Variants in SUPT3H observed in about 807,000 individuals in gnomAD.
SUPT3H encodes SPT3 homolog, SAGA and STAGA complex component.
SUPT3H carries 44 observed loss-of-function variants against 44.3 expected under a neutral mutation model. The ratio of observed to expected loss-of-function variants is 0.99; its 90% CI spans 0.78 to 1.28. The LOEUF (loss-of-function observed/expected upper bound fraction) is 1.28, where lower values mean the gene tolerates loss of function less well. Among genes scored for constraint, SUPT3H ranks in the 50% most tolerant of loss-of-function variants. SUPT3H has a pLI of 0.00. For missense variants in SUPT3H, 380 were observed against 387.1 expected, an observed-to-expected ratio of 0.98 and a Z score of 0.15; for synonymous variants, 124 against 125.6, an observed-to-expected ratio of 0.99 and a Z score of 0.09.
chr6:45,059,591 A>C (rs1791658822), intron 3 of SUPT3H, among the ~76,000 whole-genome samples: 1 of 152,142 alleles, frequency 6.6e-6, no homozygotes, highest in African/African-American at 2.4e-5. Context: ...GGTCAGGGCA[A>C]TCAGGCAAGA....
intron 3 of SUPT3H, among the ~76,000 whole-genome samples, chr6:45,072,561 A>G: frequency 6.6e-6 from 1 of 152,260 alleles, no homozygotes. Flanking sequence ...TTTTTATTTT[A>G]TTCTCATTTT....
At chr6:44,891,854 A>G (rs1011279334) in intron 10 of SUPT3H, among the ~76,000 whole-genome samples, 1 of 152,024 alleles carries the variant, frequency 6.6e-6, no homozygotes, top group African/African-American at 2.4e-5. Context: ...AAAAAAAAAG[A>G]CAAATAAAAT....
chr6:44,936,238 A>T (rs1181555651), intron 9 of SUPT3H, among the ~76,000 whole-genome samples: 1 of 152,226 alleles, frequency 6.6e-6, no homozygotes, highest in Non-Finnish European at 1.5e-5. Context: ...TGGGCCATTC[A>T]TTGGCCAAAG....
intron 10 of SUPT3H, among the ~76,000 whole-genome samples, chr6:44,870,742 T>G (rs9296448): frequency 0.42 from 63,372 of 150,412 alleles, 13,728 homozygotes; most frequent in East Asian, 0.7. Flanking sequence ...GGTACCGGGT[T>G]CATCTCACTA....
intron 3 of SUPT3H, among the ~76,000 whole-genome samples, chr6:45,104,250 G>T (rs1193497736): frequency 1.3e-5 from 2 of 152,000 alleles, no homozygotes; most frequent in Non-Finnish European, 2.9e-5. Context: ...TTATAATGTT[G>T]TCATATAAAA....
intron 2 of SUPT3H, among the ~76,000 whole-genome samples, chr6:45,327,565 G>A (rs1468260047): frequency 6.6e-6 from 1 of 151,770 alleles, no homozygotes; most frequent in Non-Finnish European, 1.5e-5. Context: ...TGGTATACAT[G>A]AAACATTACA....
At chr6:44,878,693 CG>C (rs1777703099) in intron 10 of SUPT3H, among the ~76,000 whole-genome samples, 1 of 152,004 alleles carries the variant, frequency 6.6e-6, no homozygotes, top group African/African-American at 2.4e-5. Flanking sequence ...ATGAAGAAGG[CG>C]GGTGATTTCT....
chr6:45,367,911 TTAAAA>T (rs1389950055), intron 1 of SUPT3H, among the ~76,000 whole-genome samples: 5 of 152,222 alleles, frequency 3.3e-5, no homozygotes, highest in Admixed American at 6.5e-5. Flanking sequence ...ATTAGACTCT[TTAAAA>T]TAATTATTTC....
chr6:45,124,582 T>C (rs1368798927), intron 2 of SUPT3H, among the ~76,000 whole-genome samples: 2 of 151,108 alleles, frequency 1.3e-5, no homozygotes, highest in Non-Finnish European at 2.9e-5. Flanking sequence ...GACGCGGAGG[T>C]TGCAGCAAGC....
intron 1 of SUPT3H, among the ~76,000 whole-genome samples, chr6:45,369,964 G>T (rs1563040967): frequency 6.6e-6 from 1 of 152,278 alleles, no homozygotes; most frequent in South Asian, 2.1e-4. Context: ...TATGAACACA[G>T]GGGTAGCAAG....
chr6:44,943,113 T>C (rs1162953829), intron 9 of SUPT3H, among the ~76,000 whole-genome samples: 3 of 151,846 alleles, frequency 2.0e-5, no homozygotes, highest in Non-Finnish European at 4.4e-5. Flanking sequence ...ATTCTAACCA[T>C]GCTCCAAAGC....
intron 4 of SUPT3H, among the ~76,000 whole-genome samples, chr6:45,018,813 T>C (rs1784691370): frequency 6.6e-6 from 1 of 151,966 alleles, no homozygotes; most frequent in South Asian, 2.1e-4. Context: ...ATTCTCTTTT[T>C]TGGTTGTGTC....
At chr6:45,193,119 A>G (rs1490551080) in intron 2 of SUPT3H, among the ~76,000 whole-genome samples, 1 of 152,130 alleles carries the variant, frequency 6.6e-6, no homozygotes, top group Non-Finnish European at 1.5e-5. Flanking sequence ...CATGACCACC[A>G]CGCTTTAAGA....
intron 9 of SUPT3H, among the ~76,000 whole-genome samples, chr6:44,935,729 C>A (rs573039036): frequency 7.2e-4 from 109 of 152,326 alleles, no homozygotes; most frequent in Non-Finnish European, 1.3e-3. Flanking sequence ...TGGAGTTCTA[C>A]ATATTTTCCG....
At position 45,112,344 on chromosome 6, in the gene SUPT3H, A is replaced by C. The variant is rs73737892; in HGVS notation, c.102-6338T>G. Among the ~76,000 whole-genome samples, 917 of 152,110 alleles carry C rather than the reference A, an allele frequency of 6.0e-3. 14 individuals are homozygous for C. Among genetic ancestry groups the C allele is most frequent in the African/African-American group, 0.021 (875 of 41,500 alleles). ...ATTAGAGGAAGGAAAAGAAAGCTAT[A>C]GTTTATCCCTGGCCTTATATGTGGA... On this transcript the variant is annotated intron_variant, in intron 2 of 10. Transcript: ENST00000371459.
chr6:44,878,317 C>A (rs1024658307), intron 10 of SUPT3H, among the ~76,000 whole-genome samples: 3 of 152,156 alleles, frequency 2.0e-5, no homozygotes, highest in Non-Finnish European at 4.4e-5. Flanking sequence ...TGAGAAGATA[C>A]ATGTATTTGT....
chr6:44,989,550 T>C (rs1780313238), intron 6 of SUPT3H, among the ~76,000 whole-genome samples: 1 of 152,128 alleles, frequency 6.6e-6, no homozygotes, highest in South Asian at 2.1e-4. Context: ...CATCTGATAG[T>C]CTACTTTTAA....
At chr6:44,909,939 T>C (rs188637377) in intron 10 of SUPT3H, among the ~76,000 whole-genome samples, 3 of 152,352 alleles carry the variant, frequency 2.0e-5, no homozygotes, top group Admixed American at 2.0e-4. Context: ...CACGAATTGC[T>C]GGTGGGAGGG....
intron 6 of SUPT3H, among the ~76,000 whole-genome samples, chr6:44,963,182 ATCT>A (rs1426976048): frequency 6.6e-5 from 10 of 152,086 alleles, no homozygotes; most frequent in Non-Finnish European, 8.8e-5. Context: ...GTATGTAAAC[ATCT>A]TCTTGTGCAT....
Sources: allele counts gnomAD v4.1 joint callset (sites outside exome capture counted in the v4.1 genomes callset), GRCh38; gene constraint gnomAD v4.1.1; transcripts MANE v1.5; gene names NCBI Gene and HGNC (gene_info 2026-07-23, HGNC 2026-07-21).